Variants in ROBO2 observed in about 807,000 individuals in gnomAD.
The protein encoded by ROBO2 is roundabout guidance receptor 2, also known as roundabout homolog 2.
Under a neutral mutation model 160.8 loss-of-function variants are expected in ROBO2, and 53 were observed. That is an observed-to-expected ratio of 0.33 (90% CI 0.26 to 0.41). ROBO2 has a LOEUF of 0.41. ROBO2 is among the 10% of genes least tolerant of loss of function. The pLI, the probability that ROBO2 is intolerant of heterozygous loss-of-function variation, is 1.00. For missense variants in ROBO2, 1,577 were observed against 1,722.4 expected (o/e 0.92, Z 1.49); for synonymous variants, 664 against 611.7 (o/e 1.09, Z -1.26).
chr3:76,260,321 A>G (rs1706664042), intron 2 of ROBO2, among the ~76,000 whole-genome samples: 1 of 152,276 alleles, frequency 6.6e-6, no homozygotes, highest in Non-Finnish European at 1.5e-5. Context: ...ATGGGAGGTA[A>G]TGACCATGGA....
intron 2 of ROBO2, among the ~76,000 whole-genome samples, chr3:76,975,145 T>C (rs1281560469): frequency 6.6e-6 from 1 of 152,200 alleles, no homozygotes; most frequent in Non-Finnish European, 1.5e-5. Context: ...TATTGTGTAC[T>C]TGTGTTCTTG....
intron 2 of ROBO2, among the ~76,000 whole-genome samples, chr3:77,173,710 GTTA>G (rs1644584309): frequency 6.6e-6 from 1 of 152,040 alleles, no homozygotes; most frequent in Non-Finnish European, 1.5e-5. Context: ...AAAAAAATCA[GTTA>G]TTGTTACATA....
At chr3:77,642,089 GA>G (rs577011284) in intron 24 of ROBO2, among the ~76,000 whole-genome samples, 1 of 152,200 alleles carries the variant, frequency 6.6e-6, no homozygotes, top group Non-Finnish European at 1.5e-5. Context: ...CTCATGAAAC[GA>G]ACAGCCAGAA....
intron 2 of ROBO2, among the ~76,000 whole-genome samples, chr3:76,583,501 T>G (rs1474103627): frequency 6.6e-6 from 1 of 152,200 alleles, no homozygotes; most frequent in Non-Finnish European, 1.5e-5. Flanking sequence ...ACTACCTGAC[T>G]TCCCACAACA....
intron 2 of ROBO2, among the ~76,000 whole-genome samples, chr3:76,472,879 C>A (rs1374482873): frequency 6.6e-6 from 1 of 152,144 alleles, no homozygotes; most frequent in Non-Finnish European, 1.5e-5. Flanking sequence ...GACAGCATGT[C>A]AGTCTCATGA....
chr3:77,172,523 A>AT (rs1419403447), intron 2 of ROBO2, among the ~76,000 whole-genome samples: 3 of 151,814 alleles, frequency 2.0e-5, no homozygotes, highest in Non-Finnish European at 4.4e-5. Context: ...ACATTTTAGT[A>AT]TTTTTTCCAT....
At chr3:76,161,085 C>T (rs2072614072) in intron 2 of ROBO2, among the ~76,000 whole-genome samples, 1 of 151,798 alleles carries the variant, frequency 6.6e-6, no homozygotes, top group Non-Finnish European at 1.5e-5. Context: ...GCAGTTGCTT[C>T]GATGCCATAT....
intron 2 of ROBO2, among the ~76,000 whole-genome samples, chr3:76,860,219 C>T (rs757819316): frequency 1.2e-4 from 19 of 152,196 alleles, no homozygotes; most frequent in South Asian, 6.2e-4. Flanking sequence ...TCCCACTATA[C>T]CCCCGACGGC....
At chr3:77,264,500 C>T (rs1225015958) in intron 2 of ROBO2, among the ~76,000 whole-genome samples, 1 of 152,058 alleles carries the variant, frequency 6.6e-6, no homozygotes, top group Non-Finnish European at 1.5e-5. Flanking sequence ...CTACTTTACT[C>T]AGCCATCAGA....
chr3:77,176,570 G>A (rs1390641334), intron 2 of ROBO2, among the ~76,000 whole-genome samples: 1 of 151,962 alleles, frequency 6.6e-6, no homozygotes, highest in Non-Finnish European at 1.5e-5. Context: ...TATATCATTA[G>A]AAAGATCACA....
chr3:76,044,668 GAGCTTAA>G (rs2067391213), intron 2 of ROBO2, among the ~76,000 whole-genome samples: 1 of 151,912 alleles, frequency 6.6e-6, no homozygotes, highest in Admixed American at 6.6e-5. Flanking sequence ...TAGCCTCATG[GAGCTTAA>G]AGCATATTGA....
intron 2 of ROBO2, among the ~76,000 whole-genome samples, chr3:77,013,034 T>C (rs932165621): frequency 2.0e-5 from 3 of 152,118 alleles, no homozygotes; most frequent in African/African-American, 7.2e-5. Context: ...GGAGGAAGTG[T>C]TTCTAAGTAT....
intron 6 of ROBO2, among the ~76,000 whole-genome samples, chr3:77,523,928 A>G (rs992188442): frequency 6.6e-6 from 1 of 151,288 alleles, no homozygotes; most frequent in Non-Finnish European, 1.5e-5. Flanking sequence ...AAGGTTAGGA[A>G]AAAGGTTCGG....
chr3:75,911,552 C>CTTTTTTTTTT (rs56787695), intron 1 of ROBO2, among the ~76,000 whole-genome samples: 862 of 83,468 alleles, frequency 0.01, 17 homozygotes, highest in Non-Finnish European at 0.015. Context: ...AGCCTTGTTT[C>CTTTTTTTTTT]TTTTTTTTTT....
chr3:76,799,453 A>G (rs1484754939), intron 2 of ROBO2, among the ~76,000 whole-genome samples: 2 of 152,010 alleles, frequency 1.3e-5, no homozygotes, highest in Non-Finnish European at 2.9e-5. Context: ...TGCAGTTGAT[A>G]TGTTCTTATA....
chr3:77,253,353 G>A (rs975570483), intron 2 of ROBO2, among the ~76,000 whole-genome samples: 5 of 152,160 alleles, frequency 3.3e-5, no homozygotes. Flanking sequence ...TGTGGAAGGG[G>A]TATGTAAAGT....
In ROBO2 at chr3:76,779,834, A is replaced by C. The variant is rs187302678; in HGVS notation, c.110-318180A>C. Among the ~76,000 whole-genome samples the C allele has an allele frequency of 8.3e-4, 126 of 151,104 alleles. 2 individuals carry two copies. In the East Asian group the frequency reaches 0.017, roughly 20 times the overall value. ...TTTAGTTTGTTTCTATAGTTTGGCT[A>C]TTTTAAATAATGCTACATGAAACTG... On this transcript the variant is annotated intron_variant, in intron 2 of 26. Coordinates refer to the ROBO2 transcript ENST00000487694.
intron 2 of ROBO2, among the ~76,000 whole-genome samples, chr3:77,367,401 C>T (rs966239957): frequency 5.9e-5 from 9 of 152,072 alleles, no homozygotes; most frequent in Middle Eastern, 3.4e-3. Context: ...TCCCAACCCC[C>T]GACCCAGTAG....
At chr3:77,561,148 A>C (rs964602599) in intron 9 of ROBO2, among the ~76,000 whole-genome samples, 7 of 152,196 alleles carry the variant, frequency 4.6e-5, no homozygotes, top group African/African-American at 1.7e-4. Context: ...AAATCAATTA[A>C]GATAGTGAAA....
Sources: gnomAD v4.1 joint callset for allele counts (sites outside exome capture counted in the v4.1 genomes callset) on GRCh38, gnomAD v4.1.1 for gene constraint, MANE v1.5 for transcripts, NCBI Gene and HGNC (gene_info 2026-07-23, HGNC 2026-07-21) for gene names.